Variants in ADARB2 observed in about 807,000 individuals in gnomAD.
ADARB2 encodes the protein inactive double-stranded RNA-specific editase B2.
ADARB2 carries 25 observed loss-of-function variants against 62.2 expected under a neutral mutation model. The ratio of observed to expected loss-of-function variants is 0.40; its 90% CI spans 0.29 to 0.56. The LOEUF (loss-of-function observed/expected upper bound fraction) is 0.56, where lower values mean the gene tolerates loss of function less well. Among genes scored for constraint, ADARB2 ranks in the 20% least tolerant of loss-of-function variants. The pLI is 0.43. For synonymous variants in ADARB2, 572 were observed against 500.8 expected (o/e 1.14, Z -1.90); for missense variants, 1,071 against 1,077.4 (o/e 0.99, Z 0.08).
chr10:1,460,978 T>C (rs1013181966), intron 1 of ADARB2, among the ~76,000 whole-genome samples: 2 of 152,222 alleles, frequency 1.3e-5, no homozygotes, highest in Non-Finnish European at 2.9e-5. Context: ...AAAAAACAAT[T>C]TTATGTGCAA....
intron 7 of ADARB2, among the ~76,000 whole-genome samples, chr10:1,214,813 A>G (rs750202359): frequency 1.3e-5 from 2 of 152,328 alleles, no homozygotes; most frequent in East Asian, 1.9e-4. Context: ...AGAATGAGCT[A>G]TTTGTCGACA....
rs397952487 is a variant in ADARB2, at chr10:1,687,029, C to CTTTTTTTTTTT, written c.100+50011_100+50021dup. On this transcript the variant is annotated intron_variant, in intron 1 of 9. Coordinates refer to ENST00000381312, the MANE Select transcript of ADARB2 (RefSeq NM_018702.4). ...TGCCTCCCATGGGTCATGACATTGC[C>CTTTTTTTTTTT]TTTTTTTTTTTTTTTTTTGACAAGT... Among the ~76,000 whole-genome samples, 2 of 129,004 alleles carry CTTTTTTTTTTT rather than the reference C, an allele frequency of 1.6e-5. 1 individual carries two copies. Among genetic ancestry groups the CTTTTTTTTTTT allele is most frequent in the Non-Finnish European group, 3.2e-5 (2 of 61,972 alleles). The allele number at this position is 129,004 out of a possible 152,430, so 84.6% of individuals were successfully genotyped here.
intron 1 of ADARB2, among the ~76,000 whole-genome samples, chr10:1,388,046 T>C (rs1287724378): frequency 6.6e-6 from 1 of 152,014 alleles, no homozygotes; most frequent in East Asian, 1.9e-4. Flanking sequence ...ATGCCAAACC[T>C]CCACACTCAT....
At chr10:1,435,109 G>A (rs1461875650) in intron 1 of ADARB2, among the ~76,000 whole-genome samples, 2 of 152,226 alleles carry the variant, frequency 1.3e-5, no homozygotes, top group African/African-American at 4.8e-5. Flanking sequence ...ACGAGGGAGG[G>A]CACAGAACCC....
intron 3 of ADARB2, among the ~76,000 whole-genome samples, chr10:1,348,324 A>T (rs572135155): frequency 9.2e-5 from 14 of 152,180 alleles, no homozygotes; most frequent in Admixed American, 7.8e-4. Flanking sequence ...GGAGTCTGGG[A>T]TGTGGGTTTC....
chr10:1,530,666 C>A (rs1285739140), intron 1 of ADARB2, among the ~76,000 whole-genome samples: 2 of 152,204 alleles, frequency 1.3e-5, no homozygotes, highest in Non-Finnish European at 2.9e-5. Flanking sequence ...CGTTTAGAAA[C>A]AGTATGTGGG....
At position 1,507,681 on chromosome 10, in the gene ADARB2, A is replaced by G. The variant is rs185764383; in HGVS notation, c.101-128521T>C. 4.0e-3 allele frequency among the ~76,000 whole-genome samples: 605 copies of G among 152,050 alleles called. 3 individuals carry two copies. Among genetic ancestry groups the G allele is most frequent in the Non-Finnish European group, 6.5e-3 (443 of 67,950 alleles). ...AGGCCGAGTTCCAATGTCTTCCAGG[A>G]CTCGATGGAGGGGCAGGGTGCTGTC... On this transcript the variant is annotated intron_variant, in intron 1 of 9. Coordinates refer to ENST00000381312, the MANE Select transcript of ADARB2 (RefSeq NM_018702.4).
At chr10:1,371,917 C>T (rs936905784) in intron 2 of ADARB2, among the ~76,000 whole-genome samples, 1 of 151,552 alleles carries the variant, frequency 6.6e-6, no homozygotes, top group African/African-American at 2.4e-5. Flanking sequence ...TCTTAAGGAA[C>T]TAAGAATAGA....
chr10:1,572,154 AGT>A (rs1266460223), intron 1 of ADARB2, among the ~76,000 whole-genome samples: 8 of 146,636 alleles, frequency 5.5e-5, no homozygotes, highest in Non-Finnish European at 9.0e-5. Context: ...TGGACAGGTG[AGT>A]GTGCAGGTGA....
intron 1 of ADARB2, among the ~76,000 whole-genome samples, chr10:1,503,296 C>G (rs1297342364): frequency 6.6e-6 from 1 of 151,960 alleles, no homozygotes; most frequent in African/African-American, 2.4e-5. Flanking sequence ...AAGCAATCCT[C>G]CTGGCTCAGC....
intron 7 of ADARB2, among the ~76,000 whole-genome samples, chr10:1,200,915 A>G (rs990306998): frequency 6.6e-6 from 1 of 152,146 alleles, no homozygotes; most frequent in Non-Finnish European, 1.5e-5. Context: ...ATTAATTAAC[A>G]TTTCTCCACT....
At chr10:1,303,386 C>A (rs1052804223) in intron 3 of ADARB2, among the ~76,000 whole-genome samples, 3 of 151,654 alleles carry the variant, frequency 2.0e-5, no homozygotes, top group South Asian at 2.1e-4. Context: ...TGTGAAAAGA[C>A]CAAATCTACA....
chr10:1,672,480 A>G (rs538486715), intron 1 of ADARB2, among the ~76,000 whole-genome samples: 178 of 152,122 alleles, frequency 1.2e-3, no homozygotes, highest in African/African-American at 3.9e-3. Flanking sequence ...AGGAAGGTCC[A>G]CCTCTGACGG....
At chr10:1,467,582 G>A (rs1005556537) in intron 1 of ADARB2, among the ~76,000 whole-genome samples, 5 of 152,170 alleles carry the variant, frequency 3.3e-5, no homozygotes, top group Admixed American at 2.6e-4. Flanking sequence ...GCTGTCGAGC[G>A]AGGACTGAAG....
intron 4 of ADARB2, among the ~76,000 whole-genome samples, chr10:1,249,939 A>G (rs1831021694): frequency 6.6e-6 from 1 of 151,726 alleles, no homozygotes; most frequent in South Asian, 2.1e-4. Flanking sequence ...AACTAGAGAG[A>G]CACTGTAAAG....
chr10:1,449,762 G>A (rs536616052), intron 1 of ADARB2, among the ~76,000 whole-genome samples: 5 of 152,270 alleles, frequency 3.3e-5, no homozygotes, highest in South Asian at 2.1e-4. Flanking sequence ...AATATAGGCC[G>A]TATCTCCAGG....
chr10:1,316,328 C>T lies in ADARB2; in HGVS notation c.1078-45259G>A, dbSNP rs72762932. 4.8e-3 allele frequency among the ~76,000 whole-genome samples: 725 copies of T among 152,360 alleles called. 5 individuals carry two copies. The highest frequency in any genetic ancestry group is 0.015 in the Admixed American group (229 of 15,308). On this transcript the variant is annotated intron_variant, in intron 3 of 9. Transcript: ENST00000381312. ...TGCTCTGCCGTGGTGATGGCGGCTTCCCTGAGTCCAGGCTCGCCTCACCCA... is the reference window on the plus strand; with the variant it reads ...TGCTCTGCCGTGGTGATGGCGGCTTTCCTGAGTCCAGGCTCGCCTCACCCA...
rs570140876 is a variant in ADARB2, at chr10:1,477,842, G to T, written c.101-98682C>A. 1.2e-3 allele frequency among the ~76,000 whole-genome samples: 182 copies of T among 152,324 alleles called. No homozygotes were observed. Among genetic ancestry groups the T allele is most frequent in the African/African-American group, 4.1e-3 (172 of 41,564 alleles). On this transcript the variant is annotated intron_variant, in intron 1 of 9. Transcript: ENST00000381312. The surrounding 1 kb of genome is among the most constrained non-coding windows in gnomAD (Gnocchi z 4.5). ...CACATGTCTTTAACAATCCTGTGGC[G>T]GGCAGGTGCCTCCCCAGAACGCTTC...
intron 1 of ADARB2, among the ~76,000 whole-genome samples, chr10:1,600,764 C>A (rs2132014254): frequency 6.6e-6 from 1 of 151,562 alleles, no homozygotes; most frequent in African/African-American, 2.4e-5. Context: ...GATTTCCACT[C>A]TCCCATTCTT....
Sources: allele counts gnomAD v4.1 joint callset (sites outside exome capture counted in the v4.1 genomes callset), GRCh38; gene constraint gnomAD v4.1.1; non-coding constraint Gnocchi (gnomAD v3.1); transcripts MANE v1.5; gene names NCBI Gene and HGNC (gene_info 2026-07-23, HGNC 2026-07-21).